The following ELOVL2 variants were observed in gnomAD, a reference collection of about 807,000 sequenced individuals.
The protein encoded by ELOVL2 is ELOVL fatty acid elongase 2, also known as very long chain fatty acid elongase 2.
In ELOVL2, 38 loss-of-function variants were observed where a neutral mutation model predicts 37.7. The observed-to-expected ratio is 1.01, with a 90% CI of 0.78 to 1.32. The LOEUF (loss-of-function observed/expected upper bound fraction) is 1.32. ELOVL2 is among the 40% of genes most tolerant of loss of function. The pLI, the probability that ELOVL2 is intolerant of heterozygous loss-of-function variation, is 0.00. For synonymous variants in ELOVL2, 115 were observed against 122.3 expected (o/e 0.94, Z 0.40); for missense variants, 352 against 363.6 (o/e 0.97, Z 0.26).
rs546288673 is a variant in ELOVL2, at chr6:11,013,634, A to T, written c.4-2825T>A. Reference sequence around the variant, plus strand: ...GAAAAGTTTATGCACAAATTGGGAAAGTGAGACATAGAAAGTCAAACAGCA... The same window carrying T: ...GAAAAGTTTATGCACAAATTGGGAATGTGAGACATAGAAAGTCAAACAGCA... On this transcript the variant is annotated intron_variant, in intron 1 of 7. Coordinates refer to ENST00000354666, the MANE Select transcript of ELOVL2 (RefSeq NM_017770.4). Among the ~76,000 whole-genome samples, 4 of 152,352 alleles carry T rather than the reference A, an allele frequency of 2.6e-5. No homozygotes were observed. The South Asian group carries it at 8.3e-4, about 32-fold the overall frequency.
At chr6:11,019,414 T>A (rs1782731791) in intron 1 of ELOVL2, among the ~76,000 whole-genome samples, 1 of 152,134 alleles carries the variant, frequency 6.6e-6, no homozygotes, top group South Asian at 2.1e-4. Flanking sequence ...CTCAAAGAAT[T>A]CCTATAGTTT....
chr6:11,027,857 A>G (rs1782862935), intron 1 of ELOVL2, among the ~76,000 whole-genome samples: 1 of 152,236 alleles, frequency 6.6e-6, no homozygotes, highest in African/African-American at 2.4e-5. Flanking sequence ...TGCCCATATA[A>G]AGGACATGAG....
rs924344514 is a variant in ELOVL2, at chr6:10,981,691, A to T, written c.*2090T>A. ...ATATGAAGCCCAGGAAAACATCCAG[A>T]GTGGCAGGTATGCTATGCACTGAGA... On this transcript the variant is annotated 3_prime_UTR_variant, in exon 8 of 8. Transcript: ENST00000354666. The T allele has an allele frequency of 6.6e-6, 1 of 152,252 alleles. No individual in the cohort carries two copies. Among genetic ancestry groups the T allele is most frequent in the African/African-American group, 2.4e-5 (1 of 41,460 alleles). The allele number at this position is 152,252 out of a possible 1,614,324, so 9.4% of individuals were successfully genotyped here.
intron 7 of ELOVL2, among the ~76,000 whole-genome samples, chr6:10,987,999 G>A (rs1782080159): frequency 6.6e-6 from 1 of 152,104 alleles, no homozygotes; most frequent in African/African-American, 2.4e-5. Context: ...GGCTTTGAAT[G>A]CCATTACCTA....
rs779940632 is a variant in ELOVL2, at chr6:11,000,177, CAAGA to C, written c.256-17_256-14del. On this transcript the variant is annotated splice_polypyrimidine_tract_variant and intron_variant, in intron 3 of 7. Coordinates refer to ENST00000354666, the MANE Select transcript of ELOVL2 (RefSeq NM_017770.4). ...TGGAGAGAATGAGCTGCCAAAGAAC[CAAGA>C]AAGAAAGAAAAACAAACATCAGCAC... is the stretch of plus-strand genomic sequence containing the variant. 8.1e-6 allele frequency: 13 copies of C among 1,612,834 alleles called. No homozygotes were observed. The South Asian group carries it at 1.2e-4, about 15-fold the overall frequency.
chr6:11,037,602 T>C (rs1443807842), intron 1 of ELOVL2, among the ~76,000 whole-genome samples: 1 of 151,866 alleles, frequency 6.6e-6, no homozygotes, highest in Non-Finnish European at 1.5e-5. Flanking sequence ...AAGGGAGCAC[T>C]GTACCAGCCA....
chr6:11,036,763 T>C (rs923915290), intron 1 of ELOVL2, among the ~76,000 whole-genome samples: 1 of 152,214 alleles, frequency 6.6e-6, no homozygotes, highest in African/African-American at 2.4e-5. Context: ...TGTCCCAGCA[T>C]GCCTTGGAGA....
At chr6:11,022,562 G>T (rs1396696914) in intron 1 of ELOVL2, among the ~76,000 whole-genome samples, 2 of 152,152 alleles carry the variant, frequency 1.3e-5, no homozygotes, top group Non-Finnish European at 2.9e-5. Context: ...TGAGGAGCTG[G>T]GGAAAGAACT....
At chr6:10,994,487 C>T (rs868012025) in intron 5 of ELOVL2, among the ~76,000 whole-genome samples, 1 of 89,386 alleles carries the variant, frequency 1.1e-5, no homozygotes, top group Admixed American at 1.3e-4. Context: ...AAAAAAAGAA[C>T]AAATATGAAT....
intron 1 of ELOVL2, among the ~76,000 whole-genome samples, chr6:11,024,193 T>C (rs1192383204): frequency 6.6e-6 from 1 of 152,210 alleles, no homozygotes; most frequent in Non-Finnish European, 1.5e-5. Flanking sequence ...GCTAAGCCAG[T>C]GGCTTTGCCA....
At chr6:10,997,973 G>A (rs148300061) in intron 4 of ELOVL2, among the ~76,000 whole-genome samples, 1 of 152,224 alleles carries the variant, frequency 6.6e-6, no homozygotes, top group Non-Finnish European at 1.5e-5. Flanking sequence ...GTGGGGCCTT[G>A]GTGGGAGGTG....
chr6:11,016,536 T>A (rs1782688416), intron 1 of ELOVL2, among the ~76,000 whole-genome samples: 1 of 152,162 alleles, frequency 6.6e-6, no homozygotes, highest in Admixed American at 6.5e-5. Context: ...ATGAATAGAT[T>A]TCGTACTAAC....
chr6:10,985,158 G>A (rs1013489822), intron 7 of ELOVL2, among the ~76,000 whole-genome samples: 1 of 152,218 alleles, frequency 6.6e-6, no homozygotes, highest in Admixed American at 6.5e-5. Flanking sequence ...CTGCATAAAT[G>A]TCTTCTTTTG....
intron 2 of ELOVL2, among the ~76,000 whole-genome samples, chr6:11,009,507 G>T (rs1389478002): frequency 1.3e-5 from 2 of 152,148 alleles, no homozygotes; most frequent in Non-Finnish European, 2.9e-5. Flanking sequence ...CTGTACCTTA[G>T]AGAGGCAAAG....
chr6:11,029,159 C>T (rs149083409), intron 1 of ELOVL2, among the ~76,000 whole-genome samples: 330 of 134,258 alleles, frequency 2.5e-3, no homozygotes, highest in African/African-American at 8.5e-3. Context: ...GCCTGGGAGG[C>T]GGAAGCTGTA....
chr6:10,989,616 G>A (rs1782109250), intron 7 of ELOVL2, 87 bp downstream of exon 7: 12 of 1,355,682 alleles, frequency 8.9e-6, no homozygotes, highest in Middle Eastern at 4.4e-4. Context: ...TCCAGCCTGG[G>A]CAATAAGAGC....
intron 5 of ELOVL2, among the ~76,000 whole-genome samples, chr6:10,991,640 A>G (rs1302445017): frequency 6.6e-6 from 1 of 151,990 alleles, no homozygotes; most frequent in East Asian, 1.9e-4. Context: ...AATAAGAAAC[A>G]AAAGGTACAA....
At chr6:11,038,132 T>C (rs562230692) in intron 1 of ELOVL2, among the ~76,000 whole-genome samples, 7 of 152,312 alleles carry the variant, frequency 4.6e-5, no homozygotes, top group Non-Finnish European at 8.8e-5. Context: ...TCTTTGAAAC[T>C]GTAAAGTAGG....
intron 1 of ELOVL2, among the ~76,000 whole-genome samples, chr6:11,042,130 T>C (rs1295825695): frequency 6.6e-6 from 1 of 152,012 alleles, no homozygotes; most frequent in Non-Finnish European, 1.5e-5. Context: ...CTGGACAACA[T>C]GGTGAAACTC....
Sources: gnomAD v4.1 joint callset for allele counts (sites outside exome capture counted in the v4.1 genomes callset) on GRCh38, gnomAD v4.1.1 for gene constraint, MANE v1.5 for transcripts, NCBI Gene and HGNC (gene_info 2026-07-23, HGNC 2026-07-21) for gene names.